The following ATP10B variants were observed in gnomAD, a reference collection of about 807,000 sequenced individuals.
The protein encoded by ATP10B is phospholipid-transporting ATPase VB.
ATP10B carries 122 observed loss-of-function variants against 141.2 expected under a neutral mutation model. That is an observed-to-expected ratio of 0.86 (90% CI 0.75 to 1.00). The LOEUF (loss-of-function observed/expected upper bound fraction) is 1.00, where lower values mean the gene tolerates loss of function less well. Ranked by LOEUF, ATP10B falls within the 50% of genes least tolerant of loss-of-function variation. The pLI is 0.00. For synonymous variants in ATP10B, 685 were observed against 692.0 expected, an observed-to-expected ratio of 0.99 and a Z score of 0.16; for missense variants, 1,876 against 1,825.3, an observed-to-expected ratio of 1.03 and a Z score of -0.51.
intron 2 of ATP10B, among the ~76,000 whole-genome samples, chr5:160,765,000 G>A (rs1469266732): frequency 6.6e-6 from 1 of 152,080 alleles, no homozygotes; most frequent in Non-Finnish European, 1.5e-5. Flanking sequence ...AAATACTTAG[G>A]AATATATCTA....
intron 6 of ATP10B, chr5:160,685,309 A>C (rs1366304919): frequency 1.7e-6 from 1 of 578,530 alleles, no homozygotes; most frequent in Non-Finnish European, 3.0e-6. Context: ...CTCTTCTTTC[A>C]GAAGGATACT....
chr5:160,906,408 A>G, the ATP10B span, among the ~76,000 whole-genome samples: 2 of 152,118 alleles, frequency 1.3e-5, no homozygotes, highest in Non-Finnish European at 2.9e-5. Flanking sequence ...CACAGACCCT[A>G]AGGAGCAATT....
At chr5:160,572,066 CAT>C (rs1754908447) in intron 24 of ATP10B, among the ~76,000 whole-genome samples, 1 of 152,162 alleles carries the variant, frequency 6.6e-6, no homozygotes, top group African/African-American at 2.4e-5. Context: ...AACAAAAGTT[CAT>C]TTTTGGGATA....
intron 2 of ATP10B, among the ~76,000 whole-genome samples, chr5:160,740,742 T>C (rs913321097): frequency 6.6e-6 from 1 of 152,250 alleles, no homozygotes; most frequent in Non-Finnish European, 1.5e-5. Context: ...TCTTCAGCGA[T>C]TGCAAAGTAC....
Position 160,565,206 on chromosome 5 carries a change from C to T in ATP10B, c.*247G>A, listed in dbSNP as rs1398189778. The T allele has an allele frequency of 5.7e-6, 3 of 527,642 alleles. No individual in the cohort carries two copies. The highest frequency in any genetic ancestry group is 1.0e-5 in the Non-Finnish European group (3 of 296,090). The allele number at this position is 527,642 out of a possible 1,614,324, so 32.7% of individuals were successfully genotyped here. A position where few individuals can be genotyped will look rare whatever the true frequency, so the allele number is the denominator to read the frequency against. ...ATTTGAGAACTCGATTCAACAAAAA[C>T]AGCCTCCTTCTCCAAACTGTTTGCA... On this transcript the variant is annotated 3_prime_UTR_variant, in exon 26 of 26. Transcript: ENST00000327245.
chr5:160,604,786 C>T lies in ATP10B; in HGVS notation c.3161-745G>A, dbSNP rs528570484. On this transcript the variant is annotated intron_variant, in intron 19 of 25. Transcript: ENST00000327245. ...CAAGATCTTTCCATGATGAGGGAAA[C>T]GTTCTATATCTGCACTGTCCAATAT... Among the ~76,000 whole-genome samples, 28 of 152,252 alleles carry T rather than the reference C, an allele frequency of 1.8e-4. No individual in the cohort carries two copies. In the East Asian group the frequency reaches 4.0e-3, roughly 22 times the overall value.
chr5:160,913,616 C>T, the ATP10B span, among the ~76,000 whole-genome samples: 1,194 of 152,228 alleles, frequency 7.8e-3, 19 homozygotes, highest in African/African-American at 0.027. Flanking sequence ...CTTTAATTTC[C>T]CTCCAACTCA....
intron 1 of ATP10B, among the ~76,000 whole-genome samples, chr5:160,839,060 A>G (rs1024512054): frequency 3.3e-5 from 5 of 152,146 alleles, no homozygotes; most frequent in African/African-American, 7.2e-5. Context: ...AGCTGAGTAG[A>G]TGTTGGTGCC....
Position 160,784,484 on chromosome 5 carries a change from GC to G in ATP10B, c.-331+1074del, listed in dbSNP as rs1477829434. ...GGAGTTATGCACATCTTTGTGAAGA[GC>G]CCAGACAAATTAGAAAGTCAAATTA... On this transcript the variant is annotated intron_variant, in intron 2 of 25. Transcript: ENST00000327245. 6.6e-5 allele frequency among the ~76,000 whole-genome samples: 10 copies of G among 152,298 alleles called. No homozygotes were observed. The East Asian group carries it at 7.7e-4, about 12-fold the overall frequency.
At position 160,771,035 on chromosome 5, in the gene ATP10B, G is replaced by A. The variant is rs532730042; in HGVS notation, c.-331+14524C>T. Among the ~76,000 whole-genome samples, 3 of 152,184 alleles carry A rather than the reference G, an allele frequency of 2.0e-5. 1 individual carries two copies. Among genetic ancestry groups the A allele is most frequent in the Non-Finnish European group, 4.4e-5 (3 of 68,038 alleles). ...AGTGGTGAATACGTTTGCTGAAAGGGTTGGAACTGGGGTTGAGTCAAGGCT... is the reference window on the plus strand; with the variant it reads ...AGTGGTGAATACGTTTGCTGAAAGGATTGGAACTGGGGTTGAGTCAAGGCT... On this transcript the variant is annotated intron_variant, in intron 2 of 25. Transcript: ENST00000327245.
intron 2 of ATP10B, among the ~76,000 whole-genome samples, chr5:160,782,438 T>TATAC (rs1186093526): frequency 7.1e-6 from 1 of 141,078 alleles, no homozygotes; most frequent in South Asian, 2.3e-4. Flanking sequence ...TCTTCCTCCA[T>TATAC]ACACACACAC....
intron 2 of ATP10B, among the ~76,000 whole-genome samples, chr5:160,771,941 A>G (rs1161865389): frequency 4.6e-5 from 7 of 152,222 alleles, no homozygotes; most frequent in Non-Finnish European, 8.8e-5. Context: ...GTTTACCTTA[A>G]GACAGAGGTT....
intron 24 of ATP10B, among the ~76,000 whole-genome samples, chr5:160,570,035 A>G (rs920109523): frequency 6.6e-6 from 1 of 151,658 alleles, no homozygotes; most frequent in Admixed American, 6.6e-5. Context: ...TTTTCCCTCA[A>G]TATTATGTTT....
chr5:160,913,230 G>A, the ATP10B span, among the ~76,000 whole-genome samples: 3 of 152,206 alleles, frequency 2.0e-5, no homozygotes, highest in South Asian at 2.1e-4. Flanking sequence ...GCAGCCCTCA[G>A]CAACACTGAA....
the ATP10B span, among the ~76,000 whole-genome samples, chr5:160,887,017 T>C: frequency 1.3e-4 from 20 of 152,310 alleles, no homozygotes; most frequent in African/African-American, 4.3e-4. Context: ...CACAAGGAAA[T>C]GTCAGCTGAT....
At chr5:160,880,044 T>C in the ATP10B span, among the ~76,000 whole-genome samples, 1 of 151,248 alleles carries the variant, frequency 6.6e-6, no homozygotes, top group Non-Finnish European at 1.5e-5. Flanking sequence ...AAATCTAATA[T>C]AAATCTAATA....
the ATP10B span, among the ~76,000 whole-genome samples, chr5:160,877,994 G>A: frequency 6.6e-6 from 1 of 151,898 alleles, no homozygotes; most frequent in Non-Finnish European, 1.5e-5. Context: ...TCCCCATCAA[G>A]CTACCAATGA....
At chr5:160,805,950 T>G (rs959229198) in intron 1 of ATP10B, among the ~76,000 whole-genome samples, 4 of 152,170 alleles carry the variant, frequency 2.6e-5, no homozygotes, top group Non-Finnish European at 5.9e-5. Flanking sequence ...TTCCAAGCCC[T>G]AAGGCCTCAG....
At chr5:160,669,812 G>A (rs1762558562) in intron 7 of ATP10B, among the ~76,000 whole-genome samples, 1 of 149,838 alleles carries the variant, frequency 6.7e-6, no homozygotes, top group Non-Finnish European at 1.5e-5. Flanking sequence ...ATGTTGGCCA[G>A]GATGATCTGG....
Sources: gnomAD v4.1 joint callset for allele counts (sites outside exome capture counted in the v4.1 genomes callset) on GRCh38, gnomAD v4.1.1 for gene constraint, MANE v1.5 for transcripts, NCBI Gene and HGNC (gene_info 2026-07-23, HGNC 2026-07-21) for gene names.